SLC5A12: variants seen among roughly 807,000 people sequenced by gnomAD.
SLC5A12 encodes solute carrier family 5 member 12.
A neutral mutation model predicts 72.7 loss-of-function variants in SLC5A12; 46 were observed. The observed-to-expected ratio is 0.63, with a 90% CI of 0.50 to 0.81. The LOEUF (loss-of-function observed/expected upper bound fraction) is 0.81, where lower values mean the gene tolerates loss of function less well. Ranked by LOEUF, SLC5A12 falls within the 30% of genes least tolerant of loss-of-function variation. The pLI, the probability that SLC5A12 is intolerant of heterozygous loss-of-function variation, is 0.00. For missense variants in SLC5A12, 683 were observed against 740.7 expected (o/e 0.92, Z 0.90); for synonymous variants, 275 against 264.4 (o/e 1.04, Z -0.39).
At chr11:26,707,638 C>T (rs1257566398) in intron 4 of SLC5A12, among the ~76,000 whole-genome samples, 1 of 151,972 alleles carries the variant, frequency 6.6e-6, no homozygotes, top group African/African-American at 2.4e-5. Flanking sequence ...GATGCTTACT[C>T]ATCTTTGAAA....
At chr11:26,677,974 C>T (rs1033640769) in intron 13 of SLC5A12, among the ~76,000 whole-genome samples, 3 of 152,156 alleles carry the variant, frequency 2.0e-5, no homozygotes, top group African/African-American at 7.2e-5. Context: ...ACTACCAACC[C>T]CTCATGGGCT....
intron 3 of SLC5A12, 100 bp downstream of exon 3, chr11:26,711,206 GA>G: frequency 1.0e-6 from 1 of 960,220 alleles, no homozygotes; most frequent in East Asian, 2.6e-5. Context: ...CCTCTAACCA[GA>G]AGAATATCTC....
rs1295825913 is a variant in SLC5A12 at position 26,721,419 on chromosome 11, A to T, written c.296T>A (p.Phe99Tyr). ...ACCAGATCTGTAGAACACAGGGAGAAAGAGCTCTGATGTTAAGAGGATGAC... is the reference window on the plus strand; with the variant it reads ...ACCAGATCTGTAGAACACAGGGAGATAGAGCTCTGATGTTAAGAGGATGAC... The part of the protein sequence containing the change: ...LFVILLTSEL[F>Y]LPVFYRSGIT... Residue 99 changes from phenylalanine (F) to tyrosine (Y), a missense_variant, in exon 1 of 15, where the codon TTT (phenylalanine) becomes TAT (tyrosine). Physicochemically the swap from Phe to Tyr is conservative, Grantham distance 22. Transcript: ENST00000396005. 11 of 1,614,032 alleles carry T rather than the reference A, an allele frequency of 6.8e-6. No homozygotes were observed. The South Asian group carries it at 1.1e-4, about 16-fold the overall frequency.
rs563633872 is a variant in SLC5A12 at position 26,717,289 on chromosome 11, T to C, written c.339+4087A>G. On this transcript the variant is annotated intron_variant, in intron 1 of 14. Coordinates refer to ENST00000396005, the MANE Select transcript of SLC5A12 (RefSeq NM_178498.4). ...AAATTTGAAATTGAAGAGAAGTAAG[T>C]AGTTCAGAAGCCAAGAAGTCCAAGA... is the stretch of plus-strand genomic sequence containing the variant. Among the ~76,000 whole-genome samples, 3 of 152,098 alleles carry C rather than the reference T, an allele frequency of 2.0e-5. No individual in the cohort carries two copies. The South Asian group carries it at 6.2e-4, about 32-fold the overall frequency.
chr11:26,708,120 A>G (rs1855133079), intron 4 of SLC5A12, among the ~76,000 whole-genome samples: 1 of 152,034 alleles, frequency 6.6e-6, no homozygotes, highest in South Asian at 2.1e-4. Flanking sequence ...CTGATAATTA[A>G]TATATTTTAA....
intron 5 of SLC5A12, 38 bp from the exon 6 acceptor site, chr11:26,703,709 C>T (rs1019437742): frequency 1.9e-6 from 3 of 1,613,228 alleles, no homozygotes; most frequent in Non-Finnish European, 1.7e-6. Flanking sequence ...AAAGATATTC[C>T]TTTGATGCCT....
intron 4 of SLC5A12, among the ~76,000 whole-genome samples, chr11:26,704,878 AAACAAAG>A (rs1294113808): frequency 2.6e-5 from 4 of 152,138 alleles, no homozygotes; most frequent in African/African-American, 7.2e-5. Context: ...GTAGAATATC[AAACAAAG>A]AACTAGGAAG....
At chr11:26,676,359 CAAAAAAAAA>C (rs57064388) in intron 13 of SLC5A12, among the ~76,000 whole-genome samples, 7 of 108,870 alleles carry the variant, frequency 6.4e-5, no homozygotes, top group Admixed American at 1.2e-4. Context: ...TTCTAGAAAA[CAAAAAAAAA>C]AAAAAAAAAA....
chr11:26,718,860 C>T (rs979038167), intron 1 of SLC5A12, among the ~76,000 whole-genome samples: 5 of 152,068 alleles, frequency 3.3e-5, no homozygotes, highest in African/African-American at 1.2e-4. Context: ...CCAAAATAAC[C>T]TTATATCTAC....
At chr11:26,715,931 T>C (rs1448830794) in intron 1 of SLC5A12, among the ~76,000 whole-genome samples, 3 of 152,186 alleles carry the variant, frequency 2.0e-5, no homozygotes, top group Non-Finnish European at 4.4e-5. Context: ...CAGGCAAAAT[T>C]GTTAATCTGC....
At chr11:26,698,589 G>A in intron 6 of SLC5A12, 54 bp from the exon 7 acceptor site, 2 of 1,578,358 alleles carry the variant, frequency 1.3e-6, no homozygotes, top group South Asian at 2.3e-5. Context: ...TCATACTGTG[G>A]TGAGGTCATT....
intron 11 of SLC5A12, among the ~76,000 whole-genome samples, chr11:26,682,697 C>A (rs1001866399): frequency 6.6e-6 from 1 of 151,684 alleles, no homozygotes; most frequent in African/African-American, 2.4e-5. Flanking sequence ...ATAGAAAAAA[C>A]TACAATGTAC....
In SLC5A12 at chr11:26,678,324, CT is replaced by C. The variant is rs370844143; in HGVS notation, c.1579+387del. Among the ~76,000 whole-genome samples, 86 of 152,048 alleles carry C rather than the reference CT, an allele frequency of 5.7e-4. 1 individual carries two copies. The East Asian group carries it at 0.014, about 24-fold the overall frequency. ...CTCTGGGGGGCATGTGTCAAAGCAT[CT>C]TTTTTTAAATAATATATGGGAAATG... is the stretch of plus-strand genomic sequence containing the variant. On this transcript the variant is annotated intron_variant, in intron 13 of 14. Transcript: ENST00000396005.
chr11:26,688,048 G>A (rs1000320569), intron 9 of SLC5A12, among the ~76,000 whole-genome samples: 1 of 152,190 alleles, frequency 6.6e-6, no homozygotes, highest in Admixed American at 6.5e-5. Context: ...ATTCTAGGCA[G>A]CCATCCCTCA....
intron 4 of SLC5A12, 84 bp downstream of exon 4, chr11:26,709,228 T>C (rs1379548943): frequency 1.0e-6 from 1 of 981,066 alleles, no homozygotes; most frequent in Non-Finnish European, 1.6e-6. Context: ...AATTCTGCTA[T>C]AATTAGATGC....
At chr11:26,677,466 G>C (rs1377485802) in intron 13 of SLC5A12, among the ~76,000 whole-genome samples, 1 of 152,110 alleles carries the variant, frequency 6.6e-6, no homozygotes, top group Non-Finnish European at 1.5e-5. Flanking sequence ...CTGAAATCTT[G>C]GTTGTCTTCT....
chr11:26,686,603 G>T, intron 9 of SLC5A12, 59 bp from the exon 10 acceptor site: 1 of 1,438,812 alleles, frequency 7.0e-7, no homozygotes, highest in Non-Finnish European at 9.8e-7. Flanking sequence ...TTCAAGGGAT[G>T]CCTTGAGCCC....
intron 6 of SLC5A12, among the ~76,000 whole-genome samples, chr11:26,700,104 T>C (rs954629346): frequency 1.3e-5 from 2 of 152,308 alleles, no homozygotes; most frequent in South Asian, 2.1e-4. Flanking sequence ...GAATGTAACA[T>C]AACTGCCTTA....
At chr11:26,702,665 C>T (rs12277327) in intron 6 of SLC5A12, among the ~76,000 whole-genome samples, 1 of 152,020 alleles carries the variant, frequency 6.6e-6, no homozygotes, top group East Asian at 1.9e-4. Context: ...CTGCTTGTAT[C>T]CTTCAGAACA....
Sources: gnomAD v4.1 joint callset for allele counts (sites outside exome capture counted in the v4.1 genomes callset) on GRCh38, gnomAD v4.1.1 for gene constraint, MANE v1.5 for transcripts, NCBI Gene and HGNC (gene_info 2026-07-23, HGNC 2026-07-21) for gene names.